The following SLC12A1 variants were observed in gnomAD, a reference collection of about 807,000 sequenced individuals.
The protein encoded by SLC12A1 is Na-K-2Cl cotransporter.
A neutral mutation model predicts 130.4 loss-of-function variants in SLC12A1; 89 were observed. The observed-to-expected ratio is 0.68, with a 90% confidence interval of 0.58 to 0.81. SLC12A1 has a LOEUF of 0.81. Ranked by LOEUF, SLC12A1 falls within the 40% of genes least tolerant of loss-of-function variation. The probability of loss-of-function intolerance (pLI) is 0.00; values close to 1 mark genes in which losing one functional copy is unlikely to be tolerated. For missense variants in SLC12A1, 1,310 were observed against 1,336.4 expected (o/e 0.98, Z 0.31); for synonymous variants, 499 against 460.0 (o/e 1.08, Z -1.09).
chr15:48,254,716 T>C (rs1597431818), intron 15 of SLC12A1, among the ~76,000 whole-genome samples: 1 of 146,742 alleles, frequency 6.8e-6, no homozygotes. Context: ...TGTCAGGAGA[T>C]GGAGACCATC....
rs1362910374 is a variant in SLC12A1 at position 48,207,793 on chromosome 15, T to C, written c.74T>C (p.Val25Ala). 6.2e-7 allele frequency: 1 copy of C among 1,613,594 alleles called. No homozygotes were observed. Among genetic ancestry groups the C allele is most frequent in the Non-Finnish European group, 8.5e-7 (1 of 1,179,790 alleles). Residue 25 changes from valine to alanine, a missense_variant, in exon 2 of 27, where the codon GTC becomes GCC. By Grantham distance (64) the Val-to-Ala change is moderately conservative. Coordinates refer to ENST00000380993, the MANE Select transcript of SLC12A1 (RefSeq NM_000338.3). ...PSNTNRFQVS[V>A]INENHESSAA... is the part of the protein sequence containing the mutation. ...AATACCAATCGCTTTCAAGTTAGTG[T>C]CATAAATGAGAACCATGAGAGCAGT...
chr15:48,302,046 T>C (rs556247694), intron 26 of SLC12A1, among the ~76,000 whole-genome samples: 1 of 152,346 alleles, frequency 6.6e-6, no homozygotes, highest in East Asian at 1.9e-4. Context: ...TAGAATGGTC[T>C]GCTGGATTGG....
At position 48,220,804 on chromosome 15, in the gene SLC12A1, T is replaced by G. The variant is rs993825827; in HGVS notation, c.552+39T>G. On this transcript the variant is annotated intron_variant, in intron 3 of 26. Transcript: ENST00000380993. ...TCTGTTTACAAATGAAAACTATCCA[T>G]TCAATGTTCTAGTGGATTAAGAGTG... 3 of 1,613,432 alleles carry G rather than the reference T, an allele frequency of 1.9e-6. No homozygotes were observed. In the African/African-American group the frequency reaches 4.0e-5, roughly 22 times the overall value.
At chr15:48,241,189 A>C (rs1300696981) in intron 9 of SLC12A1, among the ~76,000 whole-genome samples, 1 of 152,226 alleles carries the variant, frequency 6.6e-6, no homozygotes, top group Admixed American at 6.5e-5. Flanking sequence ...TGATACATCT[A>C]AATGAAATTC....
chr15:48,220,689 C>G lies in SLC12A1; in HGVS notation c.476C>G (p.Pro159Arg). The G allele has an allele frequency of 6.2e-7, 1 of 1,613,696 alleles. No individual in the cohort carries two copies. The highest frequency in any genetic ancestry group is 8.5e-7 in the Non-Finnish European group (1 of 1,179,762). The change falls in exon 3 of 27, where the codon CCT (proline) becomes CGT (arginine). Residue 159 changes from proline to arginine, a missense_variant. By Grantham distance (103) the Pro-to-Arg change is moderately radical. Coordinates refer to ENST00000380993, the MANE Select transcript of SLC12A1 (RefSeq NM_000338.3). ...ADRVANGDGI[P>R]GDEQAENKED... Reference sequence around the variant, plus strand: ...AGAGTTGCTAACGGTGATGGGATACCTGGAGATGAACAAGCTGAAAATAAG... The same window carrying G: ...AGAGTTGCTAACGGTGATGGGATACGTGGAGATGAACAAGCTGAAAATAAG...
intron 23 of SLC12A1, among the ~76,000 whole-genome samples, chr15:48,289,103 A>T (rs1431065137): frequency 6.6e-6 from 1 of 151,784 alleles, no homozygotes; most frequent in Non-Finnish European, 1.5e-5. Context: ...AATTAAAAAA[A>T]AAAAATCCCA....
intron 9 of SLC12A1, among the ~76,000 whole-genome samples, chr15:48,240,030 CATATATATATATATAT>C (rs796802835): frequency 7.6e-5 from 1 of 13,132 alleles, no homozygotes; most frequent in Admixed American, 1.5e-3. Flanking sequence ...TATATATATC[CATATATATATATATAT>C]ATCCATATAT....
intron 6 of SLC12A1, among the ~76,000 whole-genome samples, 179 bp downstream of exon 6, chr15:48,229,507 G>C (rs966214966): frequency 3.3e-5 from 5 of 152,176 alleles, no homozygotes; most frequent in Admixed American, 6.5e-5. Flanking sequence ...GCACTTACCA[G>C]CCAAGAAAGT....
At chr15:48,207,166 T>G (rs1246372732) in intron 1 of SLC12A1, among the ~76,000 whole-genome samples, 1 of 152,232 alleles carries the variant, frequency 6.6e-6, no homozygotes, top group African/African-American at 2.4e-5. Flanking sequence ...GTTTCAGCAT[T>G]TAGTACTGTC....
At chr15:48,286,161 G>C (rs185746045) in intron 21 of SLC12A1, among the ~76,000 whole-genome samples, 15 of 152,164 alleles carry the variant, frequency 9.9e-5, no homozygotes, top group African/African-American at 3.4e-4. Flanking sequence ...CCTGTAAATC[G>C]TTTGTCTGTT....
At chr15:48,271,461 C>A (rs1361870513) in intron 19 of SLC12A1, among the ~76,000 whole-genome samples, 1 of 152,164 alleles carries the variant, frequency 6.6e-6, no homozygotes, top group East Asian at 1.9e-4. Flanking sequence ...ATACGCTTAA[C>A]ACTTCTTAAA....
At chr15:48,247,052 T>C (rs1411179946) in intron 12 of SLC12A1, 36 bp downstream of exon 12, 1 of 1,454,026 alleles carries the variant, frequency 6.9e-7, no homozygotes, top group Non-Finnish European at 9.7e-7. Context: ...TTCTCCCTAT[T>C]GCTATTTCCA....
At chr15:48,282,210 C>G (rs1354887618) in intron 20 of SLC12A1, among the ~76,000 whole-genome samples, 1 of 152,148 alleles carries the variant, frequency 6.6e-6, no homozygotes, top group Non-Finnish European at 1.5e-5. Context: ...AATAAATACT[C>G]TCTGTAATCT....
intron 4 of SLC12A1, chr15:48,223,479 A>G (rs533143035): frequency 6.6e-6 from 1 of 152,338 alleles, no homozygotes; most frequent in South Asian, 2.1e-4. Flanking sequence ...TCAAAAGTAT[A>G]AAACTTTGTT....
At chr15:48,240,076 T>TATATATATATATATCC (rs1462823905) in intron 9 of SLC12A1, among the ~76,000 whole-genome samples, 1 of 108,404 alleles carries the variant, frequency 9.2e-6, no homozygotes, top group Non-Finnish European at 1.7e-5. Flanking sequence ...TATATCCATA[T>TATATATATATATATCC]ATATATATAT....
Position 48,284,041 on chromosome 15 carries a change from A to T in SLC12A1, c.2486-1065A>T, listed in dbSNP as rs3784617. Among the ~76,000 whole-genome samples the T allele has an allele frequency of 7.8e-3, 1,190 of 152,356 alleles. 52 individuals carry two copies. In the East Asian group the frequency reaches 0.11, roughly 14 times the overall value. On this transcript the variant is annotated intron_variant, in intron 20 of 26. Coordinates refer to ENST00000380993, the MANE Select transcript of SLC12A1 (RefSeq NM_000338.3). ...CAAAAAAGATAAAAGGCAGCCAGATACAACATCAAAGCTTGGATAGTGTGT... is the reference window on the plus strand; with the variant it reads ...CAAAAAAGATAAAAGGCAGCCAGATTCAACATCAAAGCTTGGATAGTGTGT...
chr15:48,281,210 T>C (rs1327352695), intron 20 of SLC12A1, among the ~76,000 whole-genome samples: 1 of 152,230 alleles, frequency 6.6e-6, no homozygotes, highest in Non-Finnish European at 1.5e-5. Context: ...GGAATAATTA[T>C]AGTACCTACG....
chr15:48,254,127 T>C (rs1257119989), intron 15 of SLC12A1, among the ~76,000 whole-genome samples: 1 of 152,148 alleles, frequency 6.6e-6, no homozygotes, highest in East Asian at 1.9e-4. Flanking sequence ...AGAGTAAAAG[T>C]TCTAAGTTTT....
chr15:48,241,113 A>T (rs960017685), intron 9 of SLC12A1, among the ~76,000 whole-genome samples: 4 of 152,190 alleles, frequency 2.6e-5, no homozygotes, highest in Middle Eastern at 6.3e-3. Context: ...TATAAAAAAA[A>T]TACACCCAGA....
Sources: gnomAD v4.1 joint callset for allele counts (sites outside exome capture counted in the v4.1 genomes callset) on GRCh38, gnomAD v4.1.1 for gene constraint, MANE v1.5 for transcripts, NCBI Gene and HGNC (gene_info 2026-07-23, HGNC 2026-07-21) for gene names.